Variants in MARCHF1 observed in about 807,000 individuals in gnomAD.
The protein encoded by MARCHF1 is E3 ubiquitin-protein ligase MARCHF1.
Under a neutral mutation model 54.2 loss-of-function variants are expected in MARCHF1, and 40 were observed. That is an observed-to-expected ratio of 0.74 (90% CI 0.57 to 0.96). MARCHF1 has a LOEUF of 0.96. Ranked by LOEUF, MARCHF1 falls within the 40% of genes least tolerant of loss-of-function variation. The probability of loss-of-function intolerance (pLI) is 0.00; values close to 1 mark genes in which losing one functional copy is unlikely to be tolerated. For synonymous variants in MARCHF1, 236 were observed against 236.3 expected, an observed-to-expected ratio of 1.00 and a Z score of 0.01; for missense variants, 586 against 656.5, an observed-to-expected ratio of 0.89 and a Z score of 1.17.
intron 1 of MARCHF1, among the ~76,000 whole-genome samples, chr4:164,176,557 A>G (rs1415814904): frequency 6.6e-6 from 1 of 152,184 alleles, no homozygotes; most frequent in Admixed American, 6.5e-5. Context: ...GACAAAAACG[A>G]TACAGGAGTA....
rs190622800 is a variant in MARCHF1, at chr4:164,099,013, A to G, written c.-248+12575T>C. ...AGATTTATTATTTCACATATAGTTA[A>G]TGTTGAATTTGTGTGGAAAATCATT... On this transcript the variant is annotated intron_variant, in intron 2 of 9. Coordinates refer to ENST00000514618, the MANE Select transcript of MARCHF1 (RefSeq NM_001394959.1). Among the ~76,000 whole-genome samples, 8 of 152,342 alleles carry G rather than the reference A, an allele frequency of 5.3e-5. No individual in the cohort carries two copies. The East Asian group carries it at 1.3e-3, about 26-fold the overall frequency.
At chr4:163,591,394 A>AT (rs1029851083) in intron 7 of MARCHF1, among the ~76,000 whole-genome samples, 1 of 152,048 alleles carries the variant, frequency 6.6e-6, no homozygotes, top group African/African-American at 2.4e-5. Context: ...GCTCTCTCCT[A>AT]TTTTTTGAGC....
In MARCHF1 at chr4:164,291,491, T is replaced by C. The variant is rs187701720; in HGVS notation, c.-323+92379A>G. Among the ~76,000 whole-genome samples, 3 of 152,166 alleles carry C rather than the reference T, an allele frequency of 2.0e-5. No homozygotes were observed. The East Asian group carries it at 5.8e-4, about 29-fold the overall frequency. On this transcript the variant is annotated intron_variant, in intron 1 of 9. Transcript: ENST00000514618. ...TATCATTTATTTGAACTTTATTCAG[T>C]ACAGTCATATGTCACTTAATGATGA... is the stretch of plus-strand genomic sequence containing the variant.
intron 1 of MARCHF1, among the ~76,000 whole-genome samples, chr4:164,168,588 T>C (rs954429652): frequency 7.2e-5 from 11 of 151,938 alleles, no homozygotes; most frequent in African/African-American, 2.7e-4. Context: ...ATGATGGACC[T>C]GCAGAACATT....
At chr4:163,677,471 C>A (rs1051956723) in intron 5 of MARCHF1, among the ~76,000 whole-genome samples, 1 of 152,088 alleles carries the variant, frequency 6.6e-6, no homozygotes, top group Non-Finnish European at 1.5e-5. Context: ...GTTTACTGTC[C>A]CCTGCTACAA....
At chr4:163,911,512 G>A (rs563896119) in intron 3 of MARCHF1, among the ~76,000 whole-genome samples, 1 of 152,114 alleles carries the variant, frequency 6.6e-6, no homozygotes, top group Non-Finnish European at 1.5e-5. Flanking sequence ...CTTTTCAGTA[G>A]TAATTACAGC....
At chr4:164,189,129 T>A in intron 1 of MARCHF1, 1 of 644,342 alleles carries the variant, frequency 1.6e-6, no homozygotes, top group Non-Finnish European at 2.8e-6. Context: ...ATGGAGATAC[T>A]CATCTGCGTG....
At chr4:163,824,086 A>G (rs1044719223) in intron 4 of MARCHF1, among the ~76,000 whole-genome samples, 11 of 151,864 alleles carry the variant, frequency 7.2e-5, no homozygotes, top group African/African-American at 2.7e-4. Flanking sequence ...TCACAAAAAT[A>G]AAAATCATAT....
At chr4:164,374,631 A>C (rs1039848333) in intron 1 of MARCHF1, among the ~76,000 whole-genome samples, 2 of 152,148 alleles carry the variant, frequency 1.3e-5, no homozygotes, top group Non-Finnish European at 2.9e-5. Flanking sequence ...CAAACCAAAA[A>C]GTATCAGACT....
chr4:164,210,713 T>C (rs1409149073), intron 1 of MARCHF1, among the ~76,000 whole-genome samples: 1 of 152,098 alleles, frequency 6.6e-6, no homozygotes, highest in African/African-American at 2.4e-5. Context: ...CAAAGTTGAC[T>C]GAGATGCAAT....
At chr4:164,351,892 G>T (rs369070559) in intron 1 of MARCHF1, among the ~76,000 whole-genome samples, 115 of 139,226 alleles carry the variant, frequency 8.3e-4, no homozygotes, top group African/African-American at 2.5e-3. Flanking sequence ...ATAACTAGAA[G>T]AACCAATACA....
intron 4 of MARCHF1, among the ~76,000 whole-genome samples, chr4:163,708,142 A>G (rs2111248598): frequency 6.6e-6 from 1 of 151,530 alleles, no homozygotes; most frequent in African/African-American, 2.4e-5. Context: ...GGTTTCTAAC[A>G]CCCTCAGAAA....
chr4:163,818,012 A>G (rs543032882), intron 4 of MARCHF1, among the ~76,000 whole-genome samples: 1 of 149,494 alleles, frequency 6.7e-6, no homozygotes, highest in Non-Finnish European at 1.5e-5. Context: ...CCTAATGCTA[A>G]ATGACGAGTT....
intron 1 of MARCHF1, among the ~76,000 whole-genome samples, chr4:164,252,504 C>A (rs575783339): frequency 1.3e-5 from 2 of 152,200 alleles, no homozygotes; most frequent in Admixed American, 6.6e-5. Context: ...CACAGCTGTG[C>A]GTCATGCTCA....
chr4:164,332,351 C>T lies in MARCHF1; in HGVS notation c.-323+51519G>A, dbSNP rs527666596. Among the ~76,000 whole-genome samples, 77 of 152,262 alleles carry T rather than the reference C, an allele frequency of 5.1e-4. 1 individual carries two copies. Among genetic ancestry groups the T allele is most frequent in the African/African-American group, 1.7e-3 (72 of 41,548 alleles). On this transcript the variant is annotated intron_variant, in intron 1 of 9. Transcript: ENST00000514618. Reference sequence around the variant, plus strand: ...TTTACAAAAATGAGTATTTCAGATTCACAGATATTAGACATAATATTCACA... The same window carrying T: ...TTTACAAAAATGAGTATTTCAGATTTACAGATATTAGACATAATATTCACA...
In MARCHF1 at chr4:163,527,080, A is replaced by G. The variant is rs187661664; in HGVS notation, c.*1668T>C. The G allele has an allele frequency of 5.5e-4, 84 of 152,106 alleles. No individual in the cohort carries two copies. The highest frequency in any genetic ancestry group is 1.8e-3 in the African/African-American group (75 of 41,538). The allele number at this position is 152,106 out of a possible 1,614,324, so 9.4% of individuals were successfully genotyped here. ...TCATGCTTTGGTTCTTATGGCCATC[A>G]TTGCCTTTTCATGTTAATAAATAAT... On this transcript the variant is annotated 3_prime_UTR_variant, in exon 10 of 10. Transcript: ENST00000514618.
intron 1 of MARCHF1, among the ~76,000 whole-genome samples, chr4:164,314,827 G>A (rs1734954704): frequency 6.6e-6 from 1 of 151,988 alleles, no homozygotes; most frequent in Non-Finnish European, 1.5e-5. Context: ...AGTTTATAAT[G>A]TGATGACTTT....
intron 3 of MARCHF1, among the ~76,000 whole-genome samples, chr4:163,889,730 A>G (rs1750612751): frequency 6.6e-6 from 1 of 151,836 alleles, no homozygotes; most frequent in Non-Finnish European, 1.5e-5. Flanking sequence ...TATTTTACAG[A>G]CCAGAAGCCA....
intron 4 of MARCHF1, among the ~76,000 whole-genome samples, chr4:163,788,386 G>A (rs1747678969): frequency 6.6e-6 from 1 of 151,794 alleles, no homozygotes; most frequent in Non-Finnish European, 1.5e-5. Context: ...CTAAACTATA[G>A]GCTTTATTCA....
Sources: gnomAD v4.1 joint callset for allele counts (sites outside exome capture counted in the v4.1 genomes callset) on GRCh38, gnomAD v4.1.1 for gene constraint, MANE v1.5 for transcripts, NCBI Gene and HGNC (gene_info 2026-07-23, HGNC 2026-07-21) for gene names.